LRP2BP: variants seen among roughly 807,000 people sequenced by gnomAD.
The protein encoded by LRP2BP is LRP2 binding protein.
LRP2BP carries 38 observed loss-of-function variants against 45.2 expected under a neutral mutation model. That is an observed-to-expected ratio of 0.84 (90% CI 0.65 to 1.10). The LOEUF is 1.10. Ranked by LOEUF, LRP2BP falls within the 50% of genes least tolerant of loss-of-function variation. LRP2BP has a pLI of 0.00. For synonymous variants in LRP2BP, 153 were observed against 153.9 expected (o/e 0.99, Z 0.04); for missense variants, 385 against 418.9 (o/e 0.92, Z 0.71).
chr4:185,381,509 T>G (rs2095456123), intron 1 of LRP2BP, among the ~76,000 whole-genome samples: 1 of 152,186 alleles, frequency 6.6e-6, no homozygotes, highest in South Asian at 2.1e-4. Context: ...GGGCACAAAA[T>G]CCCTTTTTAA....
At position 185,375,615 on chromosome 4, in the gene LRP2BP, C is replaced by A; in HGVS notation, c.328G>T (p.Ala110Ser). The A allele has an allele frequency of 1.9e-6, 3 of 1,549,402 alleles. No individual in the cohort carries two copies. Among genetic ancestry groups the A allele is most frequent in the African/African-American group, 1.4e-5 (1 of 71,978 alleles). Residue 110 changes from alanine (A) to serine (S), a missense_variant and splice_region_variant, in exon 4 of 9, where the codon GCT (alanine) becomes TCT (serine). Ala to Ser is a moderately conservative substitution (Grantham distance 99, BLOSUM62 1). Transcript: ENST00000505916. The stretch of plus-strand genomic sequence containing the variant: ...CTGTGACCAAGACATTAACTTACAG[C>A]GTCTAGAGTGGTCCCCAGCCCATCA... ...YYDGLGTTLD[A>S]EKGVDYMKKI...
At chr4:185,380,633 G>A (rs771267640) in intron 1 of LRP2BP, among the ~76,000 whole-genome samples, 2 of 152,078 alleles carry the variant, frequency 1.3e-5, no homozygotes, top group Non-Finnish European at 2.9e-5. Context: ...CTCTTAACTT[G>A]ATTACATGTA....
chr4:185,371,890 G>A (rs111813982), intron 7 of LRP2BP, among the ~76,000 whole-genome samples: 3 of 152,064 alleles, frequency 2.0e-5, no homozygotes, highest in Non-Finnish European at 2.9e-5. Flanking sequence ...GGAGAGGGGG[G>A]AGACCTGGCG....
At chr4:185,392,995 A>G (rs1249781619) in intron 1 of LRP2BP, among the ~76,000 whole-genome samples, 1 of 152,148 alleles carries the variant, frequency 6.6e-6, no homozygotes, top group African/African-American at 2.4e-5. Flanking sequence ...GTGCAGTGGC[A>G]CGATCTCGGC....
rs139856268 is a variant in LRP2BP, at chr4:185,391,370, T to G, written c.-22+3409A>C. 5.4e-3 allele frequency among the ~76,000 whole-genome samples: 826 copies of G among 152,306 alleles called. 8 individuals carry two copies. The highest frequency in any genetic ancestry group is 0.019 in the African/African-American group (791 of 41,560). ...TTTTCCCCTTCCCATACTCTACTTTTTGGAAGCAAGTCATTATGTGTAGCC... is the reference window on the plus strand; with the variant it reads ...TTTTCCCCTTCCCATACTCTACTTTGTGGAAGCAAGTCATTATGTGTAGCC... On this transcript the variant is annotated intron_variant, in intron 1 of 8. Coordinates refer to ENST00000505916, the MANE Select transcript of LRP2BP (RefSeq NM_001377440.1).
In LRP2BP at chr4:185,374,189, A is replaced by G. The variant is rs113853881; in HGVS notation, c.525T>C (p.Ala175=). Residue 175 remains alanine, a synonymous_variant, in exon 6 of 9, where the codon GCT becomes GCC. Transcript: ENST00000505916. ...DNGNPKASVK[A]QSMLGLYYST... The stretch of plus-strand genomic sequence containing the variant: ...AGTAATACAGCCCGAGCATACTTTG[A>G]GCCTTCACACTAGCTTTGGGATTTC... 6.2e-7 allele frequency: 1 copy of G among 1,614,132 alleles called. No individual in the cohort carries two copies. The highest frequency in any genetic ancestry group is 1.1e-5 in the South Asian group (1 of 91,076).
intron 1 of LRP2BP, among the ~76,000 whole-genome samples, chr4:185,385,809 G>A (rs1377779147): frequency 6.7e-6 from 1 of 150,292 alleles, no homozygotes; most frequent in African/African-American, 2.5e-5. Flanking sequence ...GCTGAGGCAG[G>A]AGAATTGCTC....
rs766872196 is a variant in LRP2BP at position 185,372,954 on chromosome 4, T to C, written c.705A>G (p.Arg235=). Residue 235 remains arginine (R), a synonymous_variant, in exon 7 of 9, where the codon AGA becomes AGG. Transcript: ENST00000505916. ...AGACGTTTCCGCGTTCTGCTGCTTC[T>C]CTTAAGCACTGCAGGGCAGCTTCCG... ...QDTEAALQCL[R]EAAERGNVYA... The C allele has an allele frequency of 3.1e-6, 5 of 1,614,044 alleles. No individual in the cohort carries two copies. In the East Asian group the frequency reaches 1.1e-4, roughly 36 times the overall value.
In LRP2BP at chr4:185,370,644, GA is replaced by G. The variant is rs2095411608; in HGVS notation, c.973del (p.Ser325LeufsTer6). The part of the protein sequence containing the change: ...RDETTAKHYY[S>X]KACRLNPALA... ...ATATTTTGTTCTAAAGCTTACTTTAGAATAATAGTGTTTAGCGGTTGTTTCA... is the reference window on the plus strand; with the variant it reads ...ATATTTTGTTCTAAAGCTTACTTTAGATAATAGTGTTTAGCGGTTGTTTCA... On this transcript the variant is annotated frameshift_variant, in exon 8 of 9. Transcript: ENST00000505916. LOFTEE classifies it high-confidence loss of function. 6.2e-7 allele frequency: 1 copy of G among 1,613,630 alleles called. No individual in the cohort carries two copies. Among genetic ancestry groups the G allele is most frequent in the Non-Finnish European group, 8.5e-7 (1 of 1,179,826 alleles).
chr4:185,377,926 T>A, intron 2 of LRP2BP, 155 bp downstream of exon 2: 1 of 623,724 alleles, frequency 1.6e-6, no homozygotes, highest in Non-Finnish European at 2.7e-6. Context: ...AAATGAGCAA[T>A]TTCACAGATT....
chr4:185,395,386 G>A lies in LRP2BP; in HGVS notation c.-629C>T, dbSNP rs901619290. The A allele has an allele frequency of 8.1e-6, 8 of 985,260 alleles. No homozygotes were observed. The Admixed American group carries it at 4.9e-4, about 61-fold the overall frequency. The allele number at this position is 985,260 out of a possible 1,614,324, so 61.0% of individuals were successfully genotyped here. ...TTATTAGTTAGGAATTCCTGAAAAT[G>A]AACTTCTGTGCAAACCTGAAGCTTC... On this transcript the variant is annotated 5_prime_UTR_variant, in exon 1 of 9. Transcript: ENST00000505916.
intron 1 of LRP2BP, among the ~76,000 whole-genome samples, chr4:185,382,746 T>A (rs1215128701): frequency 2.0e-5 from 3 of 152,278 alleles, no homozygotes. Flanking sequence ...TACCAGTGTA[T>A]AATTTGCAAT....
At chr4:185,385,915 G>C (rs113067038) in intron 1 of LRP2BP, among the ~76,000 whole-genome samples, 2 of 119,730 alleles carry the variant, frequency 1.7e-5, no homozygotes, top group African/African-American at 5.8e-5. Context: ...AGGGGGGGGG[G>C]GAGATAAAGA....
In LRP2BP at chr4:185,364,608, A is replaced by G. The variant is rs981767561; in HGVS notation, c.*2572T>C. On this transcript the variant is annotated 3_prime_UTR_variant, in exon 9 of 9. Transcript: ENST00000505916. Reference sequence around the variant, plus strand: ...ATAAGAAACAAGTTCTGAAAGATAAATGATTAAAAATTAGTAAACCAAATG... The same window carrying G: ...ATAAGAAACAAGTTCTGAAAGATAAGTGATTAAAAATTAGTAAACCAAATG... The G allele has an allele frequency of 6.6e-6, 1 of 152,228 alleles. No homozygotes were observed. Among genetic ancestry groups the G allele is most frequent in the African/African-American group, 2.4e-5 (1 of 41,464 alleles). 9.4% of individuals were successfully genotyped at this position (152,228 alleles called of 1,614,324 possible). A position where few individuals can be genotyped will look rare whatever the true frequency, so the allele number is the denominator to read the frequency against.
intron 2 of LRP2BP, 46 bp from the exon 3 acceptor site, chr4:185,377,064 T>A: frequency 3.1e-5 from 37 of 1,183,462 alleles, no homozygotes; most frequent in Non-Finnish European, 4.4e-5. Flanking sequence ...ACAATATGAA[T>A]TTTCTCTCTT....
chr4:185,383,877 G>A (rs2095462690), intron 1 of LRP2BP, among the ~76,000 whole-genome samples: 1 of 152,190 alleles, frequency 6.6e-6, no homozygotes, highest in Non-Finnish European at 1.5e-5. Flanking sequence ...GGTGCGCCGT[G>A]TTTTTCCTCA....
At chr4:185,368,374 CT>C (rs2095399400) in intron 8 of LRP2BP, among the ~76,000 whole-genome samples, 1 of 152,144 alleles carries the variant, frequency 6.6e-6, no homozygotes, top group African/African-American at 2.4e-5. Context: ...CAGTTACCAT[CT>C]TACTGCCTCA....
intron 1 of LRP2BP, chr4:185,378,763 C>T (rs747711870): frequency 4.3e-5 from 42 of 985,360 alleles, no homozygotes; most frequent in Admixed American, 1.2e-4. Context: ...TAAAATGTAG[C>T]GGTCACCTCA....
At chr4:185,370,579 T>C (rs2095411421) in intron 8 of LRP2BP, 61 bp downstream of exon 8, 2 of 1,544,540 alleles carry the variant, frequency 1.3e-6, no homozygotes, top group South Asian at 1.2e-5. Flanking sequence ...ACTATTCAAG[T>C]TGCAGCTAAA....
Sources: allele counts gnomAD v4.1 joint callset (sites outside exome capture counted in the v4.1 genomes callset), GRCh38; gene constraint gnomAD v4.1.1; transcripts MANE v1.5; gene names NCBI Gene and HGNC (gene_info 2026-07-23, HGNC 2026-07-21).